Variants in IFTAP observed in about 807,000 individuals in gnomAD.
IFTAP encodes intraflagellar transport-associated protein.
IFTAP carries 19 observed loss-of-function variants against 19.4 expected under a neutral mutation model. That is an observed-to-expected ratio of 0.98 (90% CI 0.68 to 1.44). IFTAP has a LOEUF of 1.44. Ranked by LOEUF, IFTAP falls within the 40% of genes most tolerant of loss-of-function variation. The probability of loss-of-function intolerance (pLI) is 0.00; values close to 1 mark genes in which losing one functional copy is unlikely to be tolerated. For missense variants in IFTAP, 240 were observed against 253.6 expected (o/e 0.95, Z 0.36); for synonymous variants, 85 against 83.5 (o/e 1.02, Z -0.10).
intron 5 of IFTAP, among the ~76,000 whole-genome samples, chr11:36,653,087 A>C (rs1220889088): frequency 6.6e-6 from 1 of 152,004 alleles, no homozygotes; most frequent in Non-Finnish European, 1.5e-5. Context: ...TCATAATAGG[A>C]CTCTAAAAAT....
At chr11:36,624,734 A>C (rs1004719440) in intron 2 of IFTAP, among the ~76,000 whole-genome samples, 1 of 152,116 alleles carries the variant, frequency 6.6e-6, no homozygotes, top group Non-Finnish European at 1.5e-5. Context: ...ATTGCTTGGA[A>C]CAAGGGTGTG....
At chr11:36,650,568 A>T (rs935463755) in intron 5 of IFTAP, among the ~76,000 whole-genome samples, 3 of 150,736 alleles carry the variant, frequency 2.0e-5, no homozygotes, top group African/African-American at 4.9e-5. Flanking sequence ...CAAAAAAAAA[A>T]TATATTTTTA....
chr11:36,646,317 G>A (rs185945268), intron 4 of IFTAP, among the ~76,000 whole-genome samples: 2 of 152,292 alleles, frequency 1.3e-5, no homozygotes, highest in African/African-American at 4.8e-5. Context: ...ATGTCGAGAG[G>A]CCCAAGCCTG....
chr11:36,634,160 T>C (rs1220733470), intron 3 of IFTAP, among the ~76,000 whole-genome samples: 1 of 152,124 alleles, frequency 6.6e-6, no homozygotes, highest in African/African-American at 2.4e-5. Flanking sequence ...GGATACGAAC[T>C]TTTTTCACTC....
chr11:36,614,833 G>A (rs1362507999), intron 2 of IFTAP, among the ~76,000 whole-genome samples: 1 of 149,076 alleles, frequency 6.7e-6, no homozygotes, highest in Non-Finnish European at 1.5e-5. Context: ...TTTGTCAGAT[G>A]AGTAGATTGC....
At chr11:36,599,814 A>G (rs1209776605) in intron 1 of IFTAP, among the ~76,000 whole-genome samples, 1 of 152,212 alleles carries the variant, frequency 6.6e-6, no homozygotes, top group African/African-American at 2.4e-5. Flanking sequence ...TGTGTTATAT[A>G]AAGTGTTGTA....
At chr11:36,634,503 A>G (rs1257044660) in intron 3 of IFTAP, among the ~76,000 whole-genome samples, 1 of 152,174 alleles carries the variant, frequency 6.6e-6, no homozygotes, top group East Asian at 1.9e-4. Flanking sequence ...CAGCTAATTA[A>G]CAAAAACGGG....
chr11:36,658,209 G>T (rs1809278786), intron 5 of IFTAP, among the ~76,000 whole-genome samples: 1 of 152,084 alleles, frequency 6.6e-6, no homozygotes, highest in Non-Finnish European at 1.5e-5. Context: ...TATGCATATT[G>T]TGGAGCTACA....
chr11:36,610,418 C>G (rs1424783572), intron 2 of IFTAP, among the ~76,000 whole-genome samples, 179 bp downstream of exon 2: 1 of 152,080 alleles, frequency 6.6e-6, no homozygotes, highest in Non-Finnish European at 1.5e-5. Context: ...ATATAAATAC[C>G]AGTCTTCATA....
chr11:36,597,898 A>C (rs1254053996), intron 1 of IFTAP, among the ~76,000 whole-genome samples: 1 of 152,116 alleles, frequency 6.6e-6, no homozygotes, highest in African/African-American at 2.4e-5. Flanking sequence ...ATAGTGCTCT[A>C]AAGGCCTAAT....
intron 1 of IFTAP, among the ~76,000 whole-genome samples, chr11:36,607,722 G>A (rs933073467): frequency 1.3e-5 from 2 of 151,894 alleles, no homozygotes; most frequent in African/African-American, 2.4e-5. Context: ...TGCCTAGGAC[G>A]GAGTGCAATG....
intron 1 of IFTAP, among the ~76,000 whole-genome samples, chr11:36,606,672 A>C (rs1223446252): frequency 6.6e-6 from 1 of 152,248 alleles, no homozygotes; most frequent in African/African-American, 2.4e-5. Context: ...AAGCATTATG[A>C]GAAGACATTT....
chr11:36,607,736 T>C (rs7130536), intron 1 of IFTAP, among the ~76,000 whole-genome samples: 23,464 of 152,094 alleles, frequency 0.15, 2,614 homozygotes, highest in African/African-American at 0.31. Flanking sequence ...TGCAATGGTG[T>C]GATCTGGGCT....
chr11:36,609,045 C>G (rs1851787856), intron 1 of IFTAP, among the ~76,000 whole-genome samples: 1 of 152,182 alleles, frequency 6.6e-6, no homozygotes, highest in Non-Finnish European at 1.5e-5. Context: ...GAGATGTGGA[C>G]TCTGCCTTTT....
At chr11:36,601,966 ATCT>A (rs1851525224) in intron 1 of IFTAP, among the ~76,000 whole-genome samples, 1 of 152,210 alleles carries the variant, frequency 6.6e-6, no homozygotes, top group East Asian at 1.9e-4. Flanking sequence ...CTTAATTTCT[ATCT>A]TTGAGTATAG....
intron 2 of IFTAP, among the ~76,000 whole-genome samples, chr11:36,623,507 G>A (rs981917285): frequency 6.6e-6 from 1 of 152,096 alleles, no homozygotes; most frequent in Non-Finnish European, 1.5e-5. Flanking sequence ...CTTGCTGATC[G>A]CTAATACAGA....
At chr11:36,649,947 A>G (rs1853644107) in intron 5 of IFTAP, among the ~76,000 whole-genome samples, 1 of 152,164 alleles carries the variant, frequency 6.6e-6, no homozygotes, top group Admixed American at 6.6e-5. Flanking sequence ...GAGGGCTGAC[A>G]TGATGCTCAA....
At chr11:36,599,243 CTT>C (rs1851410780) in intron 1 of IFTAP, among the ~76,000 whole-genome samples, 1 of 152,246 alleles carries the variant, frequency 6.6e-6, no homozygotes, top group Non-Finnish European at 1.5e-5. Flanking sequence ...ACCCACCTGC[CTT>C]GGCCTCCCAA....
At chr11:36,650,461 A>C (rs1198115407) in intron 5 of IFTAP, among the ~76,000 whole-genome samples, 1 of 151,830 alleles carries the variant, frequency 6.6e-6, no homozygotes, top group Non-Finnish European at 1.5e-5. Context: ...TGTATGATCA[A>C]ATCAGGGTAA....
Sources: allele counts gnomAD v4.1 joint callset (sites outside exome capture counted in the v4.1 genomes callset), GRCh38; gene constraint gnomAD v4.1.1; transcripts MANE v1.5; gene names NCBI Gene and HGNC (gene_info 2026-07-23, HGNC 2026-07-21).